ANTXR1: variants seen among roughly 807,000 people sequenced by gnomAD.
The protein encoded by ANTXR1 is anthrax toxin receptor 1.
ANTXR1 carries 19 observed loss-of-function variants against 78.1 expected under a neutral mutation model. That is an observed-to-expected ratio of 0.24 (90% confidence interval 0.17 to 0.36). The LOEUF is 0.36. ANTXR1 is among the 10% of genes least tolerant of loss of function. The pLI is 1.00. For synonymous variants in ANTXR1, 273 were observed against 260.5 expected (o/e 1.05, Z -0.46); for missense variants, 518 against 718.6 (o/e 0.72, Z 3.19).
chr2:69,132,922 G>A (rs1296755670), intron 12 of ANTXR1, among the ~76,000 whole-genome samples: 2 of 152,148 alleles, frequency 1.3e-5, no homozygotes, highest in African/African-American at 2.4e-5. Flanking sequence ...TACTTAAAGA[G>A]GTAAATATTA....
At chr2:69,223,665 G>C (rs1675376372) in intron 17 of ANTXR1, among the ~76,000 whole-genome samples, 1 of 152,148 alleles carries the variant, frequency 6.6e-6, no homozygotes, top group Admixed American at 6.5e-5. Context: ...ACCCAAAAAT[G>C]TTCTAATTTT....
intron 1 of ANTXR1, among the ~76,000 whole-genome samples, chr2:69,021,478 T>C (rs548166807): frequency 6.6e-6 from 1 of 152,272 alleles, no homozygotes; most frequent in African/African-American, 2.4e-5. Flanking sequence ...CTTCTTATGG[T>C]GATGGTTCTG....
At chr2:69,068,900 GAACT>G (rs1216634361) in intron 3 of ANTXR1, among the ~76,000 whole-genome samples, 4 of 152,162 alleles carry the variant, frequency 2.6e-5, no homozygotes, top group African/African-American at 9.7e-5. Context: ...GTTTGAAGTA[GAACT>G]AACAGAATGT....
At chr2:69,186,572 C>A (rs913994295) in intron 16 of ANTXR1, among the ~76,000 whole-genome samples, 2 of 152,170 alleles carry the variant, frequency 1.3e-5, no homozygotes, top group African/African-American at 4.8e-5. Context: ...GATGATGGGG[C>A]AACCAGGGGC....
At chr2:69,047,921 G>A (rs1447798114) in intron 3 of ANTXR1, among the ~76,000 whole-genome samples, 3 of 152,064 alleles carry the variant, frequency 2.0e-5, no homozygotes, top group Non-Finnish European at 2.9e-5. Flanking sequence ...TCTAAATTTG[G>A]TCCAACTCCT....
In ANTXR1 at chr2:69,072,986, A is replaced by G. The variant is rs1000710232; in HGVS notation, c.413-36A>G. The G allele has an allele frequency of 3.1e-6, 5 of 1,598,338 alleles. No individual in the cohort carries two copies. In the African/African-American group the frequency reaches 6.7e-5, roughly 21 times the overall value. Reference sequence around the variant, plus strand: ...GAGAGGGTGTTTCCTTGGGTGGAGCAGGGTGGACTGAGCCAGTCTGTATTG... The same window carrying G: ...GAGAGGGTGTTTCCTTGGGTGGAGCGGGGTGGACTGAGCCAGTCTGTATTG... On this transcript the variant is annotated intron_variant, in intron 5 of 17. Coordinates refer to ENST00000303714, the MANE Select transcript of ANTXR1 (RefSeq NM_032208.3).
chr2:69,230,318 C>CT (rs923548574), intron 17 of ANTXR1, among the ~76,000 whole-genome samples: 1 of 151,586 alleles, frequency 6.6e-6, no homozygotes, highest in Non-Finnish European at 1.5e-5. Flanking sequence ...ATATTTTTGC[C>CT]TTTTTTAGCT....
chr2:69,053,786 G>C (rs1669996540), intron 3 of ANTXR1, among the ~76,000 whole-genome samples: 1 of 152,120 alleles, frequency 6.6e-6, no homozygotes, highest in South Asian at 2.1e-4. Context: ...TGAGGAAAAT[G>C]ATTCCCAGAG....
At chr2:69,117,584 G>T (rs1672190246) in intron 10 of ANTXR1, among the ~76,000 whole-genome samples, 1 of 152,144 alleles carries the variant, frequency 6.6e-6, no homozygotes, top group Non-Finnish European at 1.5e-5. Context: ...TTGGTAAAGT[G>T]ATATCATTAA....
In ANTXR1 at chr2:69,193,459, TCACATA is replaced by T. The variant is rs1244050996; in HGVS notation, c.1434+49_1434+54del. The T allele has an allele frequency of 5.9e-4, 617 of 1,044,848 alleles. 1 individual carries two copies. Among genetic ancestry groups the T allele is most frequent in the African/African-American group, 5.5e-3 (295 of 53,970 alleles). The allele number at this position is 1,044,848 out of a possible 1,614,324, so 64.7% of individuals were successfully genotyped here. On this transcript the variant is annotated intron_variant, in intron 17 of 17. Coordinates refer to ENST00000303714, the MANE Select transcript of ANTXR1 (RefSeq NM_032208.3). ...TTAATGGTGTCTCTCTCTCTCTCTC[TCACATA>T]CACACACACACACACACACACACAC...
At chr2:69,127,214 G>A (rs766673254) in intron 12 of ANTXR1, among the ~76,000 whole-genome samples, 2 of 152,166 alleles carry the variant, frequency 1.3e-5, no homozygotes, top group East Asian at 1.9e-4. Context: ...CTACCTAAGC[G>A]AGTAGGTTCC....
chr2:69,062,513 G>A (rs1235798724), intron 3 of ANTXR1, among the ~76,000 whole-genome samples: 2 of 152,164 alleles, frequency 1.3e-5, no homozygotes, highest in African/African-American at 4.8e-5. Context: ...AACAAAAGGT[G>A]CAGCCCAGCC....
In ANTXR1 at chr2:69,235,317, C is replaced by T. The variant is rs541190489; in HGVS notation, c.1435-9908C>T. ...GGATTACAGGCATGAGCCACCGTGC[C>T]CAGCCCTGATGAAGGCCTTTCTAAG... On this transcript the variant is annotated intron_variant, in intron 17 of 17. Transcript: ENST00000303714. Among the ~76,000 whole-genome samples, 6 of 152,086 alleles carry T rather than the reference C, an allele frequency of 3.9e-5. No homozygotes were observed. In the South Asian group the frequency reaches 1.2e-3, roughly 32 times the overall value.
At chr2:69,020,672 G>T (rs937718770) in intron 1 of ANTXR1, among the ~76,000 whole-genome samples, 3 of 152,180 alleles carry the variant, frequency 2.0e-5, no homozygotes, top group Non-Finnish European at 4.4e-5. Flanking sequence ...GTCTATGTTT[G>T]GTATGCGGCC....
At chr2:69,040,544 A>G (rs1669583487) in intron 2 of ANTXR1, among the ~76,000 whole-genome samples, 2 of 152,142 alleles carry the variant, frequency 1.3e-5, no homozygotes, top group Admixed American at 1.3e-4. Flanking sequence ...TCACATCCTA[A>G]GGGGAACCCT....
intron 17 of ANTXR1, among the ~76,000 whole-genome samples, chr2:69,204,640 A>G (rs1453073616): frequency 6.6e-6 from 1 of 152,156 alleles, no homozygotes; most frequent in Non-Finnish European, 1.5e-5. Flanking sequence ...CCAGCTCGAC[A>G]CTGCCTGGCT....
chr2:69,103,306 G>A (rs1671689015), intron 10 of ANTXR1: 1 of 359,928 alleles, frequency 2.8e-6, no homozygotes, highest in Non-Finnish European at 5.4e-6. Context: ...AGGTGGGAGT[G>A]CTGGTGATGG....
At chr2:69,152,851 C>T (rs1673434354) in intron 13 of ANTXR1, among the ~76,000 whole-genome samples, 1 of 152,164 alleles carries the variant, frequency 6.6e-6, no homozygotes, top group Admixed American at 6.5e-5. Flanking sequence ...AAACCTGCCT[C>T]CTCCCCATCA....
At chr2:69,051,700 A>C (rs2104119844) in intron 3 of ANTXR1, among the ~76,000 whole-genome samples, 1 of 152,128 alleles carries the variant, frequency 6.6e-6, no homozygotes. Context: ...ATTTTTGTTT[A>C]CTTGATCTAT....
Sources: gnomAD v4.1 joint callset for allele counts (sites outside exome capture counted in the v4.1 genomes callset) on GRCh38, gnomAD v4.1.1 for gene constraint, MANE v1.5 for transcripts, NCBI Gene and HGNC (gene_info 2026-07-23, HGNC 2026-07-21) for gene names.